The following ANKS1B variants were observed in gnomAD, a reference collection of about 807,000 sequenced individuals.
ANKS1B encodes the protein ankyrin repeat and sterile alpha motif domain containing 1B, also known as ankyrin repeat and sterile alpha motif domain-containing protein 1B.
In ANKS1B, 36 loss-of-function variants were observed where a neutral mutation model predicts 148.3. That is an observed-to-expected ratio of 0.24 (90% confidence interval 0.19 to 0.32). The LOEUF (loss-of-function observed/expected upper bound fraction) is 0.32. Ranked by LOEUF, ANKS1B falls within the 10% of genes least tolerant of loss-of-function variation. ANKS1B has a pLI of 1.00. For missense variants in ANKS1B, 1,157 were observed against 1,542.6 expected, an observed-to-expected ratio of 0.75 and a Z score of 4.19; for synonymous variants, 542 against 560.8, an observed-to-expected ratio of 0.97 and a Z score of 0.47.
intron 17 of ANKS1B, among the ~76,000 whole-genome samples, chr12:98,975,440 C>G (rs2099893186): frequency 6.6e-6 from 1 of 151,906 alleles, no homozygotes. Context: ...TTCTTTCTTG[C>G]CTTCCTGCCT....
At chr12:99,878,287 A>G (rs1234617131) in intron 1 of ANKS1B, among the ~76,000 whole-genome samples, 4 of 152,226 alleles carry the variant, frequency 2.6e-5, no homozygotes, top group Non-Finnish European at 5.9e-5. Flanking sequence ...CTTACATTTT[A>G]TGGGCCAGCA....
At chr12:99,187,240 T>G (rs534340671) in intron 14 of ANKS1B, among the ~76,000 whole-genome samples, 140 of 148,006 alleles carry the variant, frequency 9.5e-4, no homozygotes, top group Admixed American at 3.6e-3. Context: ...ACGGGGAGAG[T>G]GGAACCAAGC....
intron 12 of ANKS1B, among the ~76,000 whole-genome samples, chr12:99,275,334 CT>C (rs1251181288): frequency 2.0e-5 from 3 of 152,178 alleles, no homozygotes; most frequent in Non-Finnish European, 4.4e-5. Context: ...TAACCACCCC[CT>C]GTCCCCACTA....
At chr12:98,860,118 T>C (rs1293384376) in intron 17 of ANKS1B, among the ~76,000 whole-genome samples, 2 of 152,262 alleles carry the variant, frequency 1.3e-5, no homozygotes, top group Admixed American at 6.5e-5. Context: ...TGTTAATGTA[T>C]GTATGAAATT....
At chr12:99,638,650 G>A (rs2098268673) in intron 9 of ANKS1B, among the ~76,000 whole-genome samples, 2 of 152,132 alleles carry the variant, frequency 1.3e-5, no homozygotes, top group South Asian at 4.1e-4. Context: ...TTTCTGGGGA[G>A]AAATCAAGTG....
chr12:99,631,661 T>C (rs73143620), intron 9 of ANKS1B, among the ~76,000 whole-genome samples: 1,745 of 152,240 alleles, frequency 0.011, 35 homozygotes, highest in Middle Eastern at 0.02. Context: ...GCTGAGGGCT[T>C]TGGGGAAGGC....
intron 6 of ANKS1B, among the ~76,000 whole-genome samples, chr12:99,777,022 T>C (rs2063722027): frequency 6.6e-6 from 1 of 152,138 alleles, no homozygotes; most frequent in South Asian, 2.1e-4. Flanking sequence ...AATTCAATTT[T>C]TATGGAAACA....
Position 99,399,938 on chromosome 12 carries a change from T to C in ANKS1B, c.1576-127A>G, listed in dbSNP as rs185767566. 2.1e-4 allele frequency: 168 copies of C among 816,818 alleles called. 1 individual carries two copies. In the African/African-American group the frequency reaches 2.5e-3, roughly 12 times the overall value. The allele number at this position is 816,818 out of a possible 1,614,324, so 50.6% of individuals were successfully genotyped here. ...AACTATCTGGGTTTTATACTTAAAA[T>C]ATAATTGTGCTTTACAGAGATACAT... is the stretch of plus-strand genomic sequence containing the variant. On this transcript the variant is annotated intron_variant, in intron 11 of 26. Transcript: ENST00000683438.
intron 19 of ANKS1B, among the ~76,000 whole-genome samples, chr12:98,828,179 T>C (rs997465315): frequency 6.6e-6 from 1 of 152,144 alleles, no homozygotes; most frequent in Non-Finnish European, 1.5e-5. Context: ...GAAGACACAG[T>C]ATCCCAGGCC....
At chr12:99,172,937 T>C (rs113182874) in intron 14 of ANKS1B, among the ~76,000 whole-genome samples, 2,013 of 152,210 alleles carry the variant, frequency 0.013, 43 homozygotes, top group African/African-American at 0.046. Context: ...ATAATAACCA[T>C]AATACATGTA....
chr12:99,827,443 C>T (rs1375870766), intron 1 of ANKS1B, among the ~76,000 whole-genome samples: 2 of 151,962 alleles, frequency 1.3e-5, no homozygotes, highest in Non-Finnish European at 2.9e-5. Context: ...GTAGGATGAA[C>T]AAGTGTAGAG....
chr12:98,937,194 A>C (rs1406372085), intron 17 of ANKS1B, among the ~76,000 whole-genome samples: 2 of 152,178 alleles, frequency 1.3e-5, no homozygotes, highest in Non-Finnish European at 2.9e-5. Context: ...GGTGCTTTAA[A>C]ATTTGTTCTT....
intron 17 of ANKS1B, among the ~76,000 whole-genome samples, chr12:98,834,181 T>G (rs2099348720): frequency 6.6e-6 from 1 of 152,222 alleles, no homozygotes; most frequent in Admixed American, 6.5e-5. Flanking sequence ...TGATTAATCC[T>G]AATCTTTGCA....
chr12:99,631,737 C>T (rs1183593214), intron 9 of ANKS1B, among the ~76,000 whole-genome samples: 1 of 152,060 alleles, frequency 6.6e-6, no homozygotes, highest in African/African-American at 2.4e-5. Flanking sequence ...ATAAAAGTTG[C>T]TGCATGGTTA....
intron 9 of ANKS1B, among the ~76,000 whole-genome samples, chr12:99,573,844 T>C (rs1224868710): frequency 6.6e-6 from 1 of 152,116 alleles, no homozygotes. Flanking sequence ...GTGAAGTCAA[T>C]ACGTCCACCT....
intron 17 of ANKS1B, among the ~76,000 whole-genome samples, chr12:98,992,112 T>A (rs2099926949): frequency 6.6e-6 from 1 of 152,182 alleles, no homozygotes; most frequent in Non-Finnish European, 1.5e-5. Flanking sequence ...ACCATCTGGT[T>A]CCTGCCCACC....
At chr12:99,426,375 C>T (rs1873796863) in intron 11 of ANKS1B, among the ~76,000 whole-genome samples, 2 of 151,904 alleles carry the variant, frequency 1.3e-5, no homozygotes, top group African/African-American at 2.4e-5. Flanking sequence ...TTGGATCTTT[C>T]TGATATTCAA....
chr12:99,810,954 A>G (rs1382174458), intron 3 of ANKS1B, among the ~76,000 whole-genome samples: 2 of 151,856 alleles, frequency 1.3e-5, no homozygotes, highest in Non-Finnish European at 2.9e-5. Flanking sequence ...CATTGTCATA[A>G]ATTTCCTTTT....
At chr12:99,604,086 C>A (rs1212027513) in intron 9 of ANKS1B, among the ~76,000 whole-genome samples, 6 of 151,974 alleles carry the variant, frequency 3.9e-5, no homozygotes, top group African/African-American at 1.5e-4. Flanking sequence ...CAGAATAAAG[C>A]AATTAACTAT....
Sources: allele counts gnomAD v4.1 joint callset (sites outside exome capture counted in the v4.1 genomes callset), GRCh38; gene constraint gnomAD v4.1.1; transcripts MANE v1.5; gene names NCBI Gene and HGNC (gene_info 2026-07-23, HGNC 2026-07-21).